CDC37L1: variants seen among roughly 807,000 people sequenced by gnomAD.
CDC37L1 encodes the protein hsp90 co-chaperone Cdc37-like 1.
A neutral mutation model predicts 45.9 loss-of-function variants in CDC37L1; 32 were observed. The ratio of observed to expected loss-of-function variants is 0.70; its 90% confidence interval spans 0.53 to 0.94. CDC37L1 has a LOEUF of 0.94. Among genes scored for constraint, CDC37L1 ranks in the 40% least tolerant of loss-of-function variants. The probability of loss-of-function intolerance (pLI) is 0.00; values close to 1 mark genes in which losing one functional copy is unlikely to be tolerated. For missense variants in CDC37L1, 434 were observed against 405.7 expected (o/e 1.07, Z -0.60); for synonymous variants, 150 against 133.0 (o/e 1.13, Z -0.88).
At chr9:4,705,817 T>C (rs957980723) in intron 6 of CDC37L1, among the ~76,000 whole-genome samples, 194 bp from the exon 7 acceptor site, 1 of 152,194 alleles carries the variant, frequency 6.6e-6, no homozygotes, top group African/African-American at 2.4e-5. Context: ...TCATAGGTGA[T>C]AGCATCCTAT....
rs1266951602 is a variant in CDC37L1 at position 4,706,039 on chromosome 9, G to A, written c.941G>A (p.Ser314Asn). The change falls in exon 7 of 7, where the codon AGT (serine) becomes AAT (asparagine). Residue 314 changes from serine (S) to asparagine (N), a missense_variant. By Grantham distance (46) the Ser-to-Asn change is conservative. Transcript: ENST00000381854. Reference sequence around the variant, plus strand: ...CCAGATTATCTTCAGTATTCTATCAGTACAGCTCTCTGCAGCTTAAACTCG... The same window carrying A: ...CCAGATTATCTTCAGTATTCTATCAATACAGCTCTCTGCAGCTTAAACTCG... Reference protein sequence around the residue: ...QNPDYLQYSISTALCSLNSVV... With the variant: ...QNPDYLQYSINTALCSLNSVV... 2.5e-6 allele frequency: 4 copies of A among 1,594,044 alleles called. No individual in the cohort carries two copies. Among genetic ancestry groups the A allele is most frequent in the Non-Finnish European group, 2.6e-6 (3 of 1,162,376 alleles).
intron 5 of CDC37L1, among the ~76,000 whole-genome samples, chr9:4,700,624 C>G (rs1186708829): frequency 6.6e-6 from 1 of 152,194 alleles, no homozygotes; most frequent in Non-Finnish European, 1.5e-5. Flanking sequence ...GGTCTTCAAT[C>G]TTAACATTGT....
intron 1 of CDC37L1, among the ~76,000 whole-genome samples, chr9:4,682,995 TTAAAA>T (rs1841210828): frequency 1.4e-5 from 2 of 144,030 alleles, no homozygotes; most frequent in East Asian, 3.9e-4. Flanking sequence ...ATATTTTATA[TTAAAA>T]TATAATATAT....
chr9:4,701,398 A>G (rs1339820603), intron 5 of CDC37L1, among the ~76,000 whole-genome samples: 1 of 152,226 alleles, frequency 6.6e-6, no homozygotes, highest in Non-Finnish European at 1.5e-5. Context: ...AGTAGGGAAT[A>G]TACAGTTAGA....
intron 6 of CDC37L1, among the ~76,000 whole-genome samples, chr9:4,704,438 A>G (rs1000898864): frequency 6.6e-6 from 1 of 152,206 alleles, no homozygotes; most frequent in Admixed American, 6.5e-5. Flanking sequence ...GGTCGGGTAT[A>G]CCGATTCCTT....
intron 1 of CDC37L1, among the ~76,000 whole-genome samples, chr9:4,684,055 G>T (rs577348218): frequency 2.0e-5 from 3 of 152,280 alleles, no homozygotes; most frequent in South Asian, 4.2e-4. Flanking sequence ...GGAGGCCAAG[G>T]TGTGTAGATC....
In CDC37L1 at chr9:4,679,859, G is replaced by C. The variant is rs745476037; in HGVS notation, c.92G>C (p.Ser31Thr). ...GAGAGTGACTTCGACGTGTTCCCCA[G>C]TTCTCCCCGCTGCCCGCAGCTGCCA... The part of the protein sequence containing the change: ...EEESDFDVFP[S>T]SPRCPQLPGG... The change falls in exon 1 of 7, where the codon AGT (serine) becomes ACT (threonine). Residue 31 changes from serine (S) to threonine (T), a missense_variant. Ser to Thr is a moderately conservative substitution (Grantham distance 58). Coordinates refer to ENST00000381854, the MANE Select transcript of CDC37L1 (RefSeq NM_017913.4). 9 of 1,613,972 alleles carry C rather than the reference G, an allele frequency of 5.6e-6. No individual in the cohort carries two copies. Among genetic ancestry groups the C allele is most frequent in the Non-Finnish European group, 7.6e-6 (9 of 1,179,972 alleles).
In CDC37L1 at chr9:4,697,759, A is replaced by T; in HGVS notation, c.627A>T (p.Lys209Asn). 1 of 1,450,366 alleles carries T rather than the reference A, an allele frequency of 6.9e-7. No homozygotes were observed. Among genetic ancestry groups the T allele is most frequent in the Non-Finnish European group, 9.6e-7 (1 of 1,040,454 alleles). The allele number at this position is 1,450,366 out of a possible 1,614,324, so 89.8% of individuals were successfully genotyped here. The change falls in exon 5 of 7, where the codon AAA becomes AAT. Residue 209 changes from lysine to asparagine, a missense_variant and splice_region_variant. Transcript: ENST00000381854. ...TATATCATTTAAATCTTTTTCAGAA[A>T]GGGGCTTTAATGGAACAAATAGCAC... ...LWCFHLEAEK[K>N]GALMEQIAHQ... is the part of the protein sequence containing the mutation.
At chr9:4,699,675 G>A (rs1399429293) in intron 5 of CDC37L1, among the ~76,000 whole-genome samples, 1 of 151,986 alleles carries the variant, frequency 6.6e-6, no homozygotes, top group East Asian at 1.9e-4. Context: ...TAATTAAGAA[G>A]ACAAAAGTTA....
intron 6 of CDC37L1, among the ~76,000 whole-genome samples, 181 bp from the exon 7 acceptor site, chr9:4,705,826 ATTTT>A (rs916429117): frequency 4.6e-5 from 7 of 151,648 alleles, no homozygotes; most frequent in African/African-American, 1.7e-4. Flanking sequence ...ATAGCATCCT[ATTTT>A]TTTCTTTATT....
In CDC37L1 at chr9:4,708,317, ATTTT is replaced by A. The variant is rs927367464; in HGVS notation, c.*2209_*2212del. ...GAAAGTGCAAACACATGAATGAAACATTTTTTTACATCAAAGTATCATCAAAGAT... is the reference window on the plus strand; with the variant it reads ...GAAAGTGCAAACACATGAATGAAACATTTACATCAAAGTATCATCAAAGAT... On this transcript the variant is annotated 3_prime_UTR_variant, in exon 7 of 7. Coordinates refer to ENST00000381854, the MANE Select transcript of CDC37L1 (RefSeq NM_017913.4). 6.6e-6 allele frequency: 1 copy of A among 152,208 alleles called. No individual in the cohort carries two copies. The highest frequency in any genetic ancestry group is 2.4e-5 in the African/African-American group (1 of 41,454). The allele number at this position is 152,208 out of a possible 1,614,324, so 9.4% of individuals were successfully genotyped here. A position where few individuals can be genotyped will look rare whatever the true frequency, so the allele number is the denominator to read the frequency against.
intron 2 of CDC37L1, among the ~76,000 whole-genome samples, chr9:4,685,690 C>T (rs768777948): frequency 2.6e-5 from 4 of 152,098 alleles, no homozygotes; most frequent in African/African-American, 4.8e-5. Flanking sequence ...TTATTAAGTG[C>T]CTTTAAGAAT....
At chr9:4,689,075 G>GT (rs999377892) in intron 3 of CDC37L1, among the ~76,000 whole-genome samples, 4 of 152,088 alleles carry the variant, frequency 2.6e-5, no homozygotes, top group African/African-American at 9.7e-5. Flanking sequence ...TGAAAAATAG[G>GT]TTTTTTCTAT....
intron 1 of CDC37L1, 123 bp from the exon 2 acceptor site, chr9:4,684,754 G>C: frequency 1.5e-6 from 1 of 646,206 alleles, no homozygotes; most frequent in Admixed American, 3.0e-5. Context: ...TGCAGACCTA[G>C]AACACAGGAT....
At chr9:4,703,953 T>TTA in intron 6 of CDC37L1, among the ~76,000 whole-genome samples, 1 of 152,298 alleles carries the variant, frequency 6.6e-6, no homozygotes, top group Non-Finnish European at 1.5e-5. Flanking sequence ...GTAAGTAATT[T>TTA]GAGCATCCTG....
intron 1 of CDC37L1, among the ~76,000 whole-genome samples, chr9:4,682,244 C>A (rs984869472): frequency 2.2e-4 from 33 of 149,492 alleles, no homozygotes; most frequent in African/African-American, 8.0e-4. Flanking sequence ...CTCACCACAG[C>A]CTCCGCCTCC....
chr9:4,696,216 T>C (rs1198707845), intron 3 of CDC37L1, among the ~76,000 whole-genome samples: 1 of 152,236 alleles, frequency 6.6e-6, no homozygotes, highest in Non-Finnish European at 1.5e-5. Context: ...TGGAATTAAA[T>C]ATATAGGAGT....
chr9:4,700,380 T>G (rs1205779156), intron 5 of CDC37L1, among the ~76,000 whole-genome samples: 1 of 152,204 alleles, frequency 6.6e-6, no homozygotes, highest in East Asian at 1.9e-4. Context: ...ACTTCTGGGC[T>G]CAAGCTGTCC....
chr9:4,686,462 T>C (rs1190402948), intron 2 of CDC37L1, among the ~76,000 whole-genome samples: 2 of 152,250 alleles, frequency 1.3e-5, no homozygotes, highest in African/African-American at 4.8e-5. Flanking sequence ...TCTTGTGTTA[T>C]TTTCTGTTCT....
Sources: allele counts gnomAD v4.1 joint callset (sites outside exome capture counted in the v4.1 genomes callset), GRCh38; gene constraint gnomAD v4.1.1; transcripts MANE v1.5; gene names NCBI Gene and HGNC (gene_info 2026-07-23, HGNC 2026-07-21).